FGF13: variants seen among roughly 807,000 people sequenced by gnomAD.
The protein encoded by FGF13 is fibroblast growth factor homologous factor 2.
A neutral mutation model predicts 19.5 loss-of-function variants in FGF13; 2 were observed. The observed-to-expected ratio is 0.10, with a 90% confidence interval of 0.04 to 0.32. The LOEUF is 0.32. Among genes scored for constraint, FGF13 ranks in the 10% least tolerant of loss-of-function variants. The probability of loss-of-function intolerance (pLI) is 1.00; values close to 1 mark genes in which losing one functional copy is unlikely to be tolerated. For missense variants in FGF13, 113 were observed against 192.7 expected, an observed-to-expected ratio of 0.59 and a Z score of 2.45; for synonymous variants, 72 against 76.9, an observed-to-expected ratio of 0.94 and a Z score of 0.33.
intron 3 of FGF13, among the ~76,000 whole-genome samples, chrX:138,781,309 C>T (rs1253654836): frequency 9.2e-6 from 1 of 108,828 alleles, no homozygotes; most frequent in African/African-American, 3.4e-5. Context: ...CAAGAAATAA[C>T]TAAAATCAGA....
At chrX:138,700,258 G>A (rs1337357378) in intron 3 of FGF13, among the ~76,000 whole-genome samples, 1 of 110,917 alleles carries the variant, frequency 9.0e-6, no homozygotes. Flanking sequence ...GCCCACATCA[G>A]TAGCCCCTTA....
Position 138,711,098 on chromosome X carries a change from C to G in FGF13, c.-95G>C. ...CCGCTGCTTGTCCGCTGTCTCGCGA[C>G]TTCGCCGCTTTGGTCTCCTTAGCCT... On this transcript the variant is annotated 5_prime_UTR_variant, in exon 1 of 5. Transcript: ENST00000315930. 1 of 1,157,215 alleles carries G rather than the reference C, an allele frequency of 8.6e-7. No individual in the cohort carries two copies. Among genetic ancestry groups the G allele is most frequent in the Non-Finnish European group, 1.1e-6 (1 of 872,824 alleles).
At chrX:138,811,023 G>A (rs979558317) in intron 3 of FGF13, among the ~76,000 whole-genome samples, 1 of 112,184 alleles carries the variant, frequency 8.9e-6, no homozygotes, top group African/African-American at 3.2e-5. Flanking sequence ...CAACCATTGT[G>A]GAAGACAGTG....
intron 3 of FGF13, among the ~76,000 whole-genome samples, chrX:138,807,513 T>C (rs893261196): frequency 8.9e-6 from 1 of 111,901 alleles, no homozygotes; most frequent in South Asian, 3.7e-4. Context: ...AGACTATCGA[T>C]GCTAGGAAGA....
chrX:139,171,797 AAATG>A (rs1175510545), intron 1 of FGF13, among the ~76,000 whole-genome samples: 3 of 111,749 alleles, frequency 2.7e-5, no homozygotes, highest in African/African-American at 9.8e-5. Flanking sequence ...TGTGATTTAC[AAATG>A]AATGAATAAG....
intron 1 of FGF13, among the ~76,000 whole-genome samples, chrX:139,041,479 A>C (rs489740): frequency 0.043 from 4,805 of 111,408 alleles, 127 homozygotes; most frequent in East Asian, 0.13. Flanking sequence ...TAGAATTTCT[A>C]TCTGAATCTC....
At chrX:139,204,371 T>C (rs1293727320), upstream of FGF13, 2 of 259,162 alleles carry the variant, frequency 7.7e-6, no homozygotes, top group Non-Finnish European at 1.3e-5. Context: ...GAGGAGCCGC[T>C]CGCCGCGCTC....
chrX:138,635,756 A>G, intron 3 of FGF13, 101 bp from the exon 4 acceptor site: 3 of 591,632 alleles, frequency 5.1e-6, no homozygotes, highest in Non-Finnish European at 5.4e-6. Flanking sequence ...CATACTTTGT[A>G]AAAGCTCGTG....
At chrX:138,889,632 T>C (rs1250098950) in intron 1 of FGF13, among the ~76,000 whole-genome samples, 2 of 111,459 alleles carry the variant, frequency 1.8e-5, no homozygotes, top group Non-Finnish European at 3.8e-5. Flanking sequence ...TCTCTTGAAA[T>C]GGCCCATAAA....
chrX:138,717,525 G>C (rs981370383), intron 1 of FGF13, among the ~76,000 whole-genome samples: 16 of 111,168 alleles, frequency 1.4e-4, no homozygotes, highest in African/African-American at 5.2e-4. Context: ...ATCACTAGGA[G>C]AGTGGAAAGG....
chrX:139,141,212 C>A (rs1398451989), intron 1 of FGF13, among the ~76,000 whole-genome samples: 2 of 110,507 alleles, frequency 1.8e-5, no homozygotes, highest in Non-Finnish European at 3.8e-5. Flanking sequence ...ATATGTTCTA[C>A]TTGTTGGTTT....
chrX:138,778,599 C>A (rs947293068), intron 3 of FGF13, among the ~76,000 whole-genome samples: 2 of 112,436 alleles, frequency 1.8e-5, no homozygotes, highest in African/African-American at 6.5e-5. Context: ...TAACACTGCG[C>A]TTTTCCGACA....
intron 3 of FGF13, among the ~76,000 whole-genome samples, chrX:138,817,027 C>G (rs1464546553): frequency 8.9e-6 from 1 of 112,311 alleles, no homozygotes; most frequent in East Asian, 2.8e-4. Flanking sequence ...ATTAATCACA[C>G]TGTTGTAGTC....
At chrX:138,994,806 A>G (rs1372900617) in intron 1 of FGF13, among the ~76,000 whole-genome samples, 1 of 110,663 alleles carries the variant, frequency 9.0e-6, no homozygotes, top group African/African-American at 3.3e-5. Flanking sequence ...TACGTGTTGA[A>G]AAGCATGTAA....
intron 3 of FGF13, among the ~76,000 whole-genome samples, chrX:138,814,521 C>T (rs771671373): frequency 9.1e-6 from 1 of 110,165 alleles, no homozygotes; most frequent in African/African-American, 3.3e-5. Context: ...AACAAATAAC[C>T]AAAAGAAAAA....
chrX:139,201,064 G>A (rs950176665), intron 1 of FGF13, among the ~76,000 whole-genome samples: 5 of 111,956 alleles, frequency 4.5e-5, no homozygotes, highest in Non-Finnish European at 9.4e-5. Flanking sequence ...TACACAAAAG[G>A]CGACTGGCTG....
intron 3 of FGF13, among the ~76,000 whole-genome samples, chrX:138,770,375 G>T (rs967503839): frequency 3.6e-5 from 4 of 110,322 alleles, no homozygotes; most frequent in African/African-American, 9.9e-5. Flanking sequence ...CCCAAGCAGG[G>T]CACTCAATTT....
chrX:138,737,105 CT>C (rs1317634702), intron 1 of FGF13, among the ~76,000 whole-genome samples: 1 of 111,620 alleles, frequency 9.0e-6, no homozygotes, highest in Non-Finnish European at 1.9e-5. Context: ...GCTGTCTATT[CT>C]TTAGCTTCCC....
intron 1 of FGF13, among the ~76,000 whole-genome samples, chrX:138,984,459 GAGA>G (rs2091977812): frequency 1.1e-5 from 1 of 91,368 alleles, no homozygotes; most frequent in African/African-American, 4.0e-5. Context: ...GGAGAAAGAG[GAGA>G]AGGAGAAGAA....
Sources: allele counts gnomAD v4.1 joint callset (sites outside exome capture counted in the v4.1 genomes callset), GRCh38; gene constraint gnomAD v4.1.1; transcripts MANE v1.5; gene names NCBI Gene and HGNC (gene_info 2026-07-23, HGNC 2026-07-21).